The following HEATR4 variants were observed in gnomAD, a reference collection of about 807,000 sequenced individuals.
The protein encoded by HEATR4 is HEAT repeat containing 4, also known as HEAT repeat-containing protein 4.
HEATR4 carries 95 observed loss-of-function variants against 108.8 expected under a neutral mutation model. That is an observed-to-expected ratio of 0.87 (90% CI 0.74 to 1.04). The LOEUF (loss-of-function observed/expected upper bound fraction) is 1.04. Ranked by LOEUF, HEATR4 falls within the 50% of genes least tolerant of loss-of-function variation. The pLI is 0.00. For missense variants in HEATR4, 1,152 were observed against 1,253.8 expected (o/e 0.92, Z 1.23); for synonymous variants, 443 against 459.4 (o/e 0.96, Z 0.46).
chr14:73,478,564 G>A lies in HEATR4; in HGVS notation c.*42C>T. 7.6e-7 allele frequency: 1 copy of A among 1,319,146 alleles called. No homozygotes were observed. The highest frequency in any genetic ancestry group is 1.1e-6 in the Non-Finnish European group (1 of 916,778). The allele number at this position is 1,319,146 out of a possible 1,614,324, so 81.7% of individuals were successfully genotyped here. ...AATTAAAAAGACCCAATGTGACCAG[G>A]TCCACTGCTTCCTGCATCTTGAAGT... On this transcript the variant is annotated 3_prime_UTR_variant, in exon 18 of 18. Coordinates refer to ENST00000553558, the MANE Select transcript of HEATR4 (RefSeq NM_001220484.1).
rs866965710 is a variant in HEATR4, at chr14:73,522,938, G to A, written c.215C>T (p.Thr72Ile). ...QYLKMAAANL[T>I]FSQEVVWQRG... is the part of the protein sequence containing the mutation. ...CTGCCACACCACCTCCTGAGAGAAG[G>A]TAAGGTTTGCAGCAGCCATTTTCAA... Residue 72 changes from threonine to isoleucine, a missense_variant, in exon 3 of 18, where the codon ACC becomes ATC. Coordinates refer to ENST00000553558, the MANE Select transcript of HEATR4 (RefSeq NM_001220484.1). The A allele has an allele frequency of 1.9e-6, 3 of 1,614,212 alleles. No individual in the cohort carries two copies. In the Middle Eastern group the frequency reaches 4.9e-4, roughly 266 times the overall value.
chr14:73,613,853 A>AT, the HEATR4 span, among the ~76,000 whole-genome samples: 1 of 152,094 alleles, frequency 6.6e-6, no homozygotes, highest in Non-Finnish European at 1.5e-5. Context: ...AAGACTCCTG[A>AT]TTAATCCCTT....
chr14:73,510,898 T>G (rs988969614), intron 7 of HEATR4, among the ~76,000 whole-genome samples: 2 of 152,262 alleles, frequency 1.3e-5, no homozygotes, highest in African/African-American at 4.8e-5. Flanking sequence ...GGCCTGCCTG[T>G]TATAAGTTAC....
At chr14:73,588,949 G>A in the HEATR4 span, among the ~76,000 whole-genome samples, 1 of 151,858 alleles carries the variant, frequency 6.6e-6, no homozygotes, top group Non-Finnish European at 1.5e-5. Flanking sequence ...CAGGTTCATA[G>A]CAAAATTGAG....
the HEATR4 span, chr14:73,596,450 T>C: frequency 6.6e-6 from 1 of 152,048 alleles, no homozygotes; most frequent in East Asian, 1.9e-4. Flanking sequence ...TGAGCCGTGA[T>C]TGCACCACTG....
chr14:73,622,167 G>T, the HEATR4 span, among the ~76,000 whole-genome samples: 1 of 152,064 alleles, frequency 6.6e-6, no homozygotes, highest in African/African-American at 2.4e-5. Context: ...GGAGATCACA[G>T]GAGGAAGATA....
the HEATR4 span, chr14:73,581,036 A>G: frequency 6.6e-6 from 1 of 152,028 alleles, no homozygotes; most frequent in Non-Finnish European, 1.5e-5. Flanking sequence ...CCAACCCAAC[A>G]TAGTGTTTTG....
the HEATR4 span, among the ~76,000 whole-genome samples, chr14:73,618,289 C>G: frequency 7.2e-5 from 11 of 152,184 alleles, no homozygotes; most frequent in South Asian, 2.1e-4. Flanking sequence ...TTCTCTCCCC[C>G]ACAACCCCTA....
intron 17 of HEATR4, chr14:73,491,615 C>G: frequency 7.1e-6 from 11 of 1,547,276 alleles, no homozygotes; most frequent in Non-Finnish European, 7.0e-6. Context: ...CAGCAGCCGG[C>G]GGCGAGCGGC....
the HEATR4 span, among the ~76,000 whole-genome samples, chr14:73,564,892 CTTT>C: frequency 2.6e-5 from 4 of 151,624 alleles, no homozygotes; most frequent in Non-Finnish European, 4.4e-5. Flanking sequence ...TTTCAGTAGT[CTTT>C]TTAAAAAATG....
At chr14:73,573,790 G>A in the HEATR4 span, among the ~76,000 whole-genome samples, 2 of 151,746 alleles carry the variant, frequency 1.3e-5, no homozygotes, top group African/African-American at 2.4e-5. Context: ...CCAGTGGTGC[G>A]ATCTTGGCTC....
chr14:73,521,365 G>T (rs1270979325), intron 3 of HEATR4, among the ~76,000 whole-genome samples: 1 of 152,076 alleles, frequency 6.6e-6, no homozygotes, highest in Admixed American at 6.6e-5. Flanking sequence ...ATGGCCTTGG[G>T]GAAGGGATCC....
chr14:73,502,395 G>A (rs1312291647), intron 11 of HEATR4, among the ~76,000 whole-genome samples: 1 of 152,082 alleles, frequency 6.6e-6, no homozygotes, highest in East Asian at 1.9e-4. Flanking sequence ...CTCCAGCACC[G>A]AAACCATTGC....
chr14:73,531,345 C>G (rs1888691697), intron 1 of HEATR4: 1 of 111,328 alleles, frequency 9.0e-6, no homozygotes, highest in African/African-American at 2.9e-5. Flanking sequence ...AAATTTCCTT[C>G]TTTGTAAACT....
chr14:73,591,924 G>A, the HEATR4 span: 1 of 1,356,856 alleles, frequency 7.4e-7, no homozygotes, highest in Non-Finnish European at 9.5e-7. Context: ...ACGGGTCTCG[G>A]GCCTCGACCT....
At chr14:73,526,066 C>T (rs750818740) in intron 2 of HEATR4, among the ~76,000 whole-genome samples, 3 of 152,126 alleles carry the variant, frequency 2.0e-5, no homozygotes, top group Non-Finnish European at 2.9e-5. Context: ...GAAAGACGGT[C>T]CTGCATCGCC....
At chr14:73,509,530 A>G in intron 7 of HEATR4, 57 bp from the exon 8 acceptor site, 2 of 1,585,180 alleles carry the variant, frequency 1.3e-6, no homozygotes, top group Non-Finnish European at 1.7e-6. Flanking sequence ...TCTCACACAC[A>G]GCTTCCTTCC....
chr14:73,517,185 G>C (rs1887656240), intron 5 of HEATR4: 1 of 152,220 alleles, frequency 6.6e-6, no homozygotes, highest in South Asian at 2.1e-4. Context: ...TCAGCCTCGC[G>C]AGTGGCTGGG....
At chr14:73,606,795 T>A in the HEATR4 span, among the ~76,000 whole-genome samples, 2 of 152,142 alleles carry the variant, frequency 1.3e-5, no homozygotes, top group Non-Finnish European at 2.9e-5. Flanking sequence ...GTGCGAGAGA[T>A]CACACAGTGA....
Sources: gnomAD v4.1 joint callset for allele counts (sites outside exome capture counted in the v4.1 genomes callset) on GRCh38, gnomAD v4.1.1 for gene constraint, MANE v1.5 for transcripts, NCBI Gene and HGNC (gene_info 2026-07-23, HGNC 2026-07-21) for gene names.